Variants in TUSC3 observed in about 807,000 individuals in gnomAD.
TUSC3 encodes tumor suppressor candidate 3.
In TUSC3, 45 loss-of-function variants were observed where a neutral mutation model predicts 44.8. That is an observed-to-expected ratio of 1.00 (90% CI 0.79 to 1.29). The LOEUF (loss-of-function observed/expected upper bound fraction) is 1.29. Among genes scored for constraint, TUSC3 ranks in the 50% most tolerant of loss-of-function variants. The probability of loss-of-function intolerance (pLI) is 0.00; values close to 1 mark genes in which losing one functional copy is unlikely to be tolerated. For missense variants in TUSC3, 519 were observed against 437.9 expected (o/e 1.19, Z -1.65); for synonymous variants, 212 against 152.9 (o/e 1.39, Z -2.85).
intron 2 of TUSC3, among the ~76,000 whole-genome samples, chr8:15,630,348 A>G (rs908884389): frequency 6.6e-6 from 1 of 152,180 alleles, no homozygotes; most frequent in African/African-American, 2.4e-5. Flanking sequence ...CATTACATTG[A>G]TACATTACAT....
chr8:15,750,259 G>C (rs1192898713), intron 9 of TUSC3, among the ~76,000 whole-genome samples: 1 of 151,988 alleles, frequency 6.6e-6, no homozygotes, highest in Admixed American at 6.6e-5. Flanking sequence ...GATTACAGGC[G>C]TGAGCCACCA....
intron 2 of TUSC3, among the ~76,000 whole-genome samples, chr8:15,513,619 G>A (rs953134482): frequency 6.6e-6 from 1 of 152,084 alleles, no homozygotes; most frequent in Admixed American, 6.6e-5. Flanking sequence ...ATTTAATGGT[G>A]GTCAAGTGCT....
intron 6 of TUSC3, among the ~76,000 whole-genome samples, chr8:15,688,696 A>G (rs989372365): frequency 6.6e-6 from 1 of 152,120 alleles, no homozygotes; most frequent in Non-Finnish European, 1.5e-5. Flanking sequence ...TGCTGTTAGG[A>G]GATTTCCCTC....
chr8:15,474,983 G>T (rs570762198), intron 1 of TUSC3, among the ~76,000 whole-genome samples: 2 of 152,136 alleles, frequency 1.3e-5, no homozygotes, highest in African/African-American at 4.8e-5. Flanking sequence ...CAGATGAAAA[G>T]ATTCATTTCC....
chr8:15,848,085 T>C, the TUSC3 span, among the ~76,000 whole-genome samples: 1 of 152,166 alleles, frequency 6.6e-6, no homozygotes, highest in Non-Finnish European at 1.5e-5. Context: ...ATCCTCTTCC[T>C]TCCCCGTGCC....
At position 15,664,517 on chromosome 8, in the gene TUSC3, A is replaced by T. The variant is rs577387553; in HGVS notation, c.708+2221A>T. Reference sequence around the variant, plus strand: ...ACTGTGAATCTTGGAAAGCGAATTAACTTGGCATGGCAGAAGATAAATTCT... The same window carrying T: ...ACTGTGAATCTTGGAAAGCGAATTATCTTGGCATGGCAGAAGATAAATTCT... On this transcript the variant is annotated intron_variant, in intron 5 of 10. Coordinates refer to ENST00000503731, the MANE Select transcript of TUSC3 (RefSeq NM_006765.4). Among the ~76,000 whole-genome samples, 302 of 148,902 alleles carry T rather than the reference A, an allele frequency of 2.0e-3. 2 individuals are homozygous for T. Among genetic ancestry groups the T allele is most frequent in the African/African-American group, 7.1e-3 (291 of 41,072 alleles).
At chr8:15,741,811 T>C (rs920722737) in intron 7 of TUSC3, among the ~76,000 whole-genome samples, 5 of 152,160 alleles carry the variant, frequency 3.3e-5, no homozygotes, top group African/African-American at 1.2e-4. Flanking sequence ...ATAAAAGATA[T>C]TGCAGAAAAA....
downstream of TUSC3, among the ~76,000 whole-genome samples, chr8:15,768,477 C>T (rs528499218): frequency 3.3e-5 from 5 of 152,226 alleles, no homozygotes; most frequent in East Asian, 9.7e-4. Context: ...GACCCTGAGG[C>T]AGCACAGGCA....
At chr8:15,640,899 A>C (rs1326943311) in intron 2 of TUSC3, among the ~76,000 whole-genome samples, 1 of 152,188 alleles carries the variant, frequency 6.6e-6, no homozygotes, top group Non-Finnish European at 1.5e-5. Context: ...CTGTGTGTTC[A>C]AAAAGGTTTA....
chr8:15,532,023 A>G lies in TUSC3; in HGVS notation n.189+48540A>G, dbSNP rs181376490. Among the ~76,000 whole-genome samples, 883 of 152,296 alleles carry G rather than the reference A, an allele frequency of 5.8e-3. 4 individuals carry two copies. Among genetic ancestry groups the G allele is most frequent in the Admixed American group, 0.014 (213 of 15,292 alleles). On this transcript the variant is annotated intron_variant and non_coding_transcript_variant, in intron 2 of 5. Transcript: ENST00000503191. ...GGGTTCAATAATCCCTGGCTTCTTA[A>G]TTATATGGCTTGATAAAATTGTCAG...
chr8:15,503,968 C>T (rs554673507), intron 2 of TUSC3, among the ~76,000 whole-genome samples: 20 of 148,494 alleles, frequency 1.3e-4, no homozygotes, highest in South Asian at 4.3e-4. Context: ...AAGCGGAGAT[C>T]GCACCACTGC....
the TUSC3 span, among the ~76,000 whole-genome samples, chr8:15,818,509 C>T: frequency 6.6e-6 from 1 of 152,188 alleles, no homozygotes; most frequent in Non-Finnish European, 1.5e-5. Flanking sequence ...TCATTTCACT[C>T]ATTCTTTCCA....
intron 2 of TUSC3, among the ~76,000 whole-genome samples, chr8:15,526,807 C>T (rs761485451): frequency 1.7e-4 from 26 of 152,174 alleles, no homozygotes; most frequent in Admixed American, 1.3e-3. Context: ...AAAGTTGCTT[C>T]GTTTGAAGTC....
chr8:15,450,867 G>C (rs1800189330), intron 1 of TUSC3, among the ~76,000 whole-genome samples: 1 of 152,044 alleles, frequency 6.6e-6, no homozygotes, highest in Non-Finnish European at 1.5e-5. Context: ...TGAGAAGTAG[G>C]CTTAAAACCT....
At chr8:15,758,702 G>A (rs938011776) in intron 10 of TUSC3, among the ~76,000 whole-genome samples, 1 of 151,904 alleles carries the variant, frequency 6.6e-6, no homozygotes, top group South Asian at 2.1e-4. Flanking sequence ...CTGCATTCTA[G>A]TTTTATTGTT....
chr8:15,834,435 G>T, the TUSC3 span, among the ~76,000 whole-genome samples: 1 of 152,054 alleles, frequency 6.6e-6, no homozygotes, highest in Non-Finnish European at 1.5e-5. Context: ...TTCTGCCTCC[G>T]TGGGAAGGTG....
chr8:15,591,236 G>C (rs1803824587), intron 1 of TUSC3, among the ~76,000 whole-genome samples: 1 of 151,782 alleles, frequency 6.6e-6, no homozygotes, highest in South Asian at 2.1e-4. Context: ...AATTAAATTA[G>C]TTATTTAAAT....
chr8:15,682,027 A>G (rs1808448026), intron 6 of TUSC3, among the ~76,000 whole-genome samples: 1 of 152,116 alleles, frequency 6.6e-6, no homozygotes, highest in South Asian at 2.1e-4. Context: ...ATCTGAGAAT[A>G]TGCTTGGTAT....
downstream of TUSC3, among the ~76,000 whole-genome samples, chr8:15,768,488 T>C (rs1407900777): frequency 6.6e-6 from 1 of 152,130 alleles, no homozygotes; most frequent in Non-Finnish European, 1.5e-5. Flanking sequence ...AGCACAGGCA[T>C]TGGACTTGCT....
Sources: gnomAD v4.1 joint callset for allele counts (sites outside exome capture counted in the v4.1 genomes callset) on GRCh38, gnomAD v4.1.1 for gene constraint, MANE v1.5 for transcripts, NCBI Gene and HGNC (gene_info 2026-07-23, HGNC 2026-07-21) for gene names.